The following GGNBP2 variants were observed in gnomAD, a reference collection of about 807,000 sequenced individuals.
GGNBP2 encodes gametogenetin binding protein 2.
Under a neutral mutation model 85.9 loss-of-function variants are expected in GGNBP2, and 10 were observed. The ratio of observed to expected loss-of-function variants is 0.12; its 90% CI spans 0.07 to 0.20. The LOEUF is 0.20. Ranked by LOEUF, GGNBP2 falls within the 10% of genes least tolerant of loss-of-function variation. The pLI is 1.00. For synonymous variants in GGNBP2, 287 were observed against 285.7 expected, an observed-to-expected ratio of 1.00 and a Z score of -0.05; for missense variants, 595 against 857.8, an observed-to-expected ratio of 0.69 and a Z score of 3.83.
intron 5 of GGNBP2, among the ~76,000 whole-genome samples, chr17:36,564,380 C>T (rs908700831): frequency 1.3e-5 from 2 of 152,196 alleles, no homozygotes; most frequent in African/African-American, 4.8e-5. Flanking sequence ...TCTTTGTTTT[C>T]AATCACTTTG....
chr17:36,556,682 G>C (rs1013246409), intron 3 of GGNBP2, among the ~76,000 whole-genome samples: 2 of 150,590 alleles, frequency 1.3e-5, no homozygotes, highest in Non-Finnish European at 2.9e-5. Flanking sequence ...CCAGCCTGGC[G>C]AGAGAGCAAG....
chr17:36,560,629 C>T, intron 4 of GGNBP2, 144 bp from the exon 5 acceptor site: 1 of 499,894 alleles, frequency 2.0e-6, no homozygotes, highest in South Asian at 3.1e-5. Context: ...GAGTGCCAGG[C>T]ACACTGCTAG....
chr17:36,585,904 A>G lies in GGNBP2; in HGVS notation c.1431A>G (p.Thr477=). ...GYSSSMEGSE[T]GSREGSDVAC... ...CATCTAGCATGGAAGGGAGTGAAAC[A>G]GGTTCTCGGGAGGGTTCGGATGTTG... The change falls in exon 11 of 14, where the codon ACA becomes ACG. Residue 477 remains threonine, a synonymous_variant. Transcript: ENST00000613102. The G allele has an allele frequency of 6.2e-7, 1 of 1,614,048 alleles. No homozygotes were observed. The highest frequency in any genetic ancestry group is 8.5e-7 in the Non-Finnish European group (1 of 1,179,906).
intron 8 of GGNBP2, among the ~76,000 whole-genome samples, chr17:36,581,080 C>T (rs190718372): frequency 6.6e-6 from 1 of 151,690 alleles, no homozygotes; most frequent in Non-Finnish European, 1.5e-5. Context: ...GTCAGGAGAT[C>T]GAGACCATCC....
chr17:36,564,568 A>G (rs1175113240), intron 5 of GGNBP2, among the ~76,000 whole-genome samples: 1 of 152,166 alleles, frequency 6.6e-6, no homozygotes, highest in African/African-American at 2.4e-5. Flanking sequence ...GTGTGAATGG[A>G]CTTAATTGAT....
At chr17:36,567,875 A>G in intron 6 of GGNBP2, 99 bp downstream of exon 6, 1 of 602,408 alleles carries the variant, frequency 1.7e-6, no homozygotes. Context: ...ATAGCATTCT[A>G]GCCTTCCCTT....
At chr17:36,552,770 C>A (rs1369052543) in intron 2 of GGNBP2, among the ~76,000 whole-genome samples, 1 of 152,142 alleles carries the variant, frequency 6.6e-6, no homozygotes, top group Non-Finnish European at 1.5e-5. Flanking sequence ...CCTGTAATCC[C>A]AGCACTTTGG....
At chr17:36,552,557 A>G (rs879586804) in intron 2 of GGNBP2, among the ~76,000 whole-genome samples, 1 of 152,228 alleles carries the variant, frequency 6.6e-6, no homozygotes. Flanking sequence ...TCTAATACAC[A>G]TGAAGTGTCT....
rs369847471 is a variant in GGNBP2 at position 36,545,699 on chromosome 17, C to G, written c.-26C>G. ...GGCGGCAGCTGGGAGGAGGTGGTGACGGTGGCAACGGCAGCGTCGGGGACG... is the reference window on the plus strand; with the variant it reads ...GGCGGCAGCTGGGAGGAGGTGGTGAGGGTGGCAACGGCAGCGTCGGGGACG... On this transcript the variant is annotated 5_prime_UTR_variant, in exon 2 of 14. Coordinates refer to ENST00000613102, the MANE Select transcript of GGNBP2 (RefSeq NM_024835.5). 6.5e-7 allele frequency: 1 copy of G among 1,535,182 alleles called. No individual in the cohort carries two copies.
Position 36,577,221 on chromosome 17 carries a change from C to G in GGNBP2, c.642-762C>G, listed in dbSNP as rs191741670. The G allele has an allele frequency of 5.3e-5, 8 of 152,300 alleles. No individual in the cohort carries two copies. In the East Asian group the frequency reaches 7.7e-4, roughly 15 times the overall value. 9.4% of individuals were successfully genotyped at this position (152,300 alleles called of 1,614,324 possible). ...AATTCAAAGATAAAGAAACCAGGCT[C>G]TATTATTTCTTTCTGATTGATTGAT... On this transcript the variant is annotated intron_variant, in intron 6 of 13. Transcript: ENST00000613102.
intron 5 of GGNBP2, among the ~76,000 whole-genome samples, chr17:36,565,810 C>G (rs1259187009): frequency 6.6e-6 from 1 of 152,024 alleles, no homozygotes; most frequent in African/African-American, 2.4e-5. Context: ...GCAGGAGAAT[C>G]GCTTGAACCT....
At chr17:36,563,202 G>A (rs2074436776) in intron 5 of GGNBP2, among the ~76,000 whole-genome samples, 1 of 151,978 alleles carries the variant, frequency 6.6e-6, no homozygotes, top group Non-Finnish European at 1.5e-5. Context: ...GGAGGCAGAG[G>A]TTGCATTGAG....
chr17:36,545,953 G>A (rs1599488796), intron 2 of GGNBP2, 136 bp downstream of exon 2: 2 of 634,676 alleles, frequency 3.2e-6, no homozygotes, highest in East Asian at 5.9e-5. Context: ...TCTTCAGCAG[G>A]CCCCACAAAC....
intron 6 of GGNBP2, among the ~76,000 whole-genome samples, chr17:36,571,190 T>C (rs988690173): frequency 1.3e-5 from 2 of 152,160 alleles, no homozygotes; most frequent in East Asian, 1.9e-4. Context: ...TCCAACACTT[T>C]GGGAAGCCAA....
intron 6 of GGNBP2, among the ~76,000 whole-genome samples, chr17:36,570,135 T>C (rs1196527929): frequency 1.3e-5 from 2 of 152,190 alleles, no homozygotes; most frequent in African/African-American, 4.8e-5. Flanking sequence ...TCCAGCACTT[T>C]GGGAGGCCAA....
chr17:36,568,435 T>C (rs1255370977), intron 6 of GGNBP2, among the ~76,000 whole-genome samples: 1 of 152,196 alleles, frequency 6.6e-6, no homozygotes, highest in African/African-American at 2.4e-5. Context: ...TAGCTGAGAC[T>C]ACAGGCGCAT....
chr17:36,558,745 C>G (rs546164445), intron 4 of GGNBP2, among the ~76,000 whole-genome samples: 1 of 147,272 alleles, frequency 6.8e-6, no homozygotes, highest in African/African-American at 2.5e-5. Context: ...CGTGAGCCAC[C>G]GTGCCTGGCT....
At position 36,545,681 on chromosome 17, in the gene GGNBP2, G is replaced by C. The variant is rs779863937; in HGVS notation, c.-44G>C. The C allele has an allele frequency of 8.5e-5, 124 of 1,454,252 alleles. No individual in the cohort carries two copies. In the African/African-American group the frequency reaches 1.7e-3, roughly 20 times the overall value. The allele number at this position is 1,454,252 out of a possible 1,614,324, so 90.1% of individuals were successfully genotyped here. A position where few individuals can be genotyped will look rare whatever the true frequency, so the allele number is the denominator to read the frequency against. The stretch of plus-strand genomic sequence containing the variant: ...AACAGCAGCGGCGGCGGCGGCGGCA[G>C]CTGGGAGGAGGTGGTGACGGTGGCA... On this transcript the variant is annotated 5_prime_UTR_variant, in exon 2 of 14. Coordinates refer to ENST00000613102, the MANE Select transcript of GGNBP2 (RefSeq NM_024835.5).
chr17:36,574,962 A>C, intron 6 of GGNBP2: 1 of 1,454,430 alleles, frequency 6.9e-7, no homozygotes, highest in Non-Finnish European at 9.3e-7. Context: ...ATGGCAACAA[A>C]CATCTTGAAC....
Sources: gnomAD v4.1 joint callset for allele counts (sites outside exome capture counted in the v4.1 genomes callset) on GRCh38, gnomAD v4.1.1 for gene constraint, MANE v1.5 for transcripts, NCBI Gene and HGNC (gene_info 2026-07-23, HGNC 2026-07-21) for gene names.